ZC3H14: variants seen among roughly 807,000 people sequenced by gnomAD.
The protein encoded by ZC3H14 is zinc finger CCCH-type containing 14.
A neutral mutation model predicts 92.4 loss-of-function variants in ZC3H14; 31 were observed. The ratio of observed to expected loss-of-function variants is 0.34; its 90% CI spans 0.25 to 0.45. The LOEUF (loss-of-function observed/expected upper bound fraction) is 0.45. Ranked by LOEUF, ZC3H14 falls within the 20% of genes least tolerant of loss-of-function variation. The probability of loss-of-function intolerance (pLI) is 1.00; values close to 1 mark genes in which losing one functional copy is unlikely to be tolerated. For missense variants in ZC3H14, 781 were observed against 897.3 expected, an observed-to-expected ratio of 0.87 and a Z score of 1.66; for synonymous variants, 321 against 300.9, an observed-to-expected ratio of 1.07 and a Z score of -0.69.
intron 9 of ZC3H14, chr14:88,590,549 C>G (rs1242354141): frequency 6.6e-6 from 1 of 152,248 alleles, no homozygotes; most frequent in Non-Finnish European, 1.5e-5. Context: ...TTCTCTGGCC[C>G]CATCCCCACA....
chr14:88,611,294 T>G (rs924430301), intron 16 of ZC3H14, among the ~76,000 whole-genome samples: 27 of 152,146 alleles, frequency 1.8e-4, no homozygotes, highest in African/African-American at 6.3e-4. Flanking sequence ...TTTTTTATTT[T>G]AAGTAGAGAT....
At chr14:88,596,554 A>C (rs182585443) in intron 9 of ZC3H14, among the ~76,000 whole-genome samples, 180 bp from the exon 10 acceptor site, 1 of 152,312 alleles carries the variant, frequency 6.6e-6, no homozygotes, top group Non-Finnish European at 1.5e-5. Context: ...CCCTGAGTAC[A>C]GCCTTTTTTG....
chr14:88,574,594 A>G, intron 6 of ZC3H14, 99 bp from the exon 7 acceptor site: 1 of 1,411,190 alleles, frequency 7.1e-7, no homozygotes, highest in Non-Finnish European at 1.0e-6. Context: ...AATTTCTCAT[A>G]TTACTGTGTA....
In ZC3H14 at chr14:88,572,945, A is replaced by G. The variant is rs1354661836; in HGVS notation, c.799A>G (p.Asn267Asp). The change falls in exon 6 of 17, where the codon AAC becomes GAC. Residue 267 changes from asparagine to aspartate, a missense_variant. This residue lies in a region of ZC3H14 where 454 missense variants were observed against 438.5 expected (regional missense o/e 1.04). Transcript: ENST00000251038. ...TGRLCEPEVL[N>D]SLEETYSPFF... Reference sequence around the variant, plus strand: ...ACGTTTGTGTGAACCAGAGGTGCTTAACAGCTTAGAAGAAACGTATAGTCC... The same window carrying G: ...ACGTTTGTGTGAACCAGAGGTGCTTGACAGCTTAGAAGAAACGTATAGTCC... 2 of 1,614,184 alleles carry G rather than the reference A, an allele frequency of 1.2e-6. No individual in the cohort carries two copies. The highest frequency in any genetic ancestry group is 1.7e-6 in the Non-Finnish European group (2 of 1,180,038).
chr14:88,567,974 C>A (rs1417093589), intron 2 of ZC3H14, 65 bp from the exon 3 acceptor site: 3 of 1,281,178 alleles, frequency 2.3e-6, no homozygotes, highest in Non-Finnish European at 3.4e-6. Flanking sequence ...TATTTTCAAG[C>A]ACATCAACTT....
chr14:88,563,763 G>T, intron 2 of ZC3H14, 70 bp downstream of exon 2: 2 of 1,427,938 alleles, frequency 1.4e-6, no homozygotes, highest in African/African-American at 1.4e-5. Flanking sequence ...TAGTGAATGC[G>T]TATTTCTCAC....
intron 9 of ZC3H14, 64 bp from the exon 10 acceptor site, chr14:88,596,670 G>A: frequency 3.6e-6 from 5 of 1,400,296 alleles, no homozygotes; most frequent in Non-Finnish European, 5.1e-6. Context: ...ATTGATTTTT[G>A]GGAACCACAT....
At chr14:88,595,977 C>G (rs187294654) in intron 9 of ZC3H14, among the ~76,000 whole-genome samples, 1 of 152,260 alleles carries the variant, frequency 6.6e-6, no homozygotes, top group African/African-American at 2.4e-5. Context: ...GTGACATTCT[C>G]CCATCCTCAA....
intron 6 of ZC3H14, chr14:88,574,222 GATA>G (rs1275533463): frequency 6.4e-6 from 1 of 155,486 alleles, no homozygotes; most frequent in Non-Finnish European, 1.4e-5. Flanking sequence ...GACTGTTAGG[GATA>G]ATATTTATAT....
chr14:88,599,151 A>G (rs1415458064), intron 10 of ZC3H14, among the ~76,000 whole-genome samples: 1 of 152,144 alleles, frequency 6.6e-6, no homozygotes, highest in Non-Finnish European at 1.5e-5. Context: ...GGACACATCT[A>G]ATACACCTCT....
chr14:88,609,369 G>C lies in ZC3H14; in HGVS notation c.1971G>C (p.Val657=). The C allele has an allele frequency of 6.2e-7, 1 of 1,614,028 alleles. No homozygotes were observed. The change falls in exon 14 of 17, where the codon GTG becomes GTC. Residue 657 remains valine (V), a synonymous_variant. Transcript: ENST00000251038. ...AACCAGATTGTCCCTTCACTCATGT[G>C]AGTAGAAGAATTCCAGTACTGTCTC... ...CTKPDCPFTH[V]SRRIPVLSPK...
chr14:88,575,509 G>A (rs905756579), intron 7 of ZC3H14, among the ~76,000 whole-genome samples: 4 of 152,040 alleles, frequency 2.6e-5, no homozygotes, highest in Admixed American at 6.6e-5. Context: ...CCTGGGCGAT[G>A]TAATGAGTCT....
Position 88,616,514 on chromosome 14 carries a change from T to TA in ZC3H14, c.*4764dup, listed in dbSNP as rs1169596355. On this transcript the variant is annotated 3_prime_UTR_variant, in exon 17 of 17. Coordinates refer to ENST00000251038, the MANE Select transcript of ZC3H14 (RefSeq NM_024824.5). ...ATTATAGGTTTGGTGAAAAGCTAAT[T>TA]ACAGCTTTTGTAGGATGGTTCCAAA... 7 of 608,944 alleles carry TA rather than the reference T, an allele frequency of 1.1e-5. No homozygotes were observed. The highest frequency in any genetic ancestry group is 8.5e-6 in the Non-Finnish European group (3 of 354,592). 37.7% of individuals were successfully genotyped at this position (608,944 alleles called of 1,614,324 possible). A position where few individuals can be genotyped will look rare whatever the true frequency, so the allele number is the denominator to read the frequency against.
In ZC3H14 at chr14:88,601,787, C is replaced by T. The variant is rs1170429049; in HGVS notation, c.1355-137C>T. ...TGGAATAGAATTATAGCCCTGTTTT[C>T]CTGAGTGGAACCAGTTGTGATTTTC... is the stretch of plus-strand genomic sequence containing the variant. On this transcript the variant is annotated intron_variant, in intron 10 of 16. Transcript: ENST00000251038. 6 of 1,043,558 alleles carry T rather than the reference C, an allele frequency of 5.7e-6. No individual in the cohort carries two copies. In the East Asian group the frequency reaches 1.1e-4, roughly 19 times the overall value. 64.6% of individuals were successfully genotyped at this position (1,043,558 alleles called of 1,614,324 possible).
chr14:88,589,581 T>C (rs962996766), intron 9 of ZC3H14: 1 of 152,246 alleles, frequency 6.6e-6, no homozygotes, highest in African/African-American at 2.4e-5. Flanking sequence ...TTCAAACTTG[T>C]CCAAAGCTCA....
At chr14:88,565,288 T>C (rs1350701886) in intron 2 of ZC3H14, among the ~76,000 whole-genome samples, 1 of 151,914 alleles carries the variant, frequency 6.6e-6, no homozygotes, top group Non-Finnish European at 1.5e-5. Context: ...ATTACAGGCA[T>C]CTGCCACTAC....
intron 9 of ZC3H14, among the ~76,000 whole-genome samples, chr14:88,582,511 C>T (rs1389873177): frequency 6.6e-6 from 1 of 152,116 alleles, no homozygotes; most frequent in Non-Finnish European, 1.5e-5. Flanking sequence ...TTATAAAGAA[C>T]CTCTAGGCGT....
chr14:88,601,788 C>T, intron 10 of ZC3H14, 136 bp from the exon 11 acceptor site: 2 of 1,059,174 alleles, frequency 1.9e-6, no homozygotes, highest in Admixed American at 4.8e-5. Context: ...CCCTGTTTTC[C>T]TGAGTGGAAC....
intron 12 of ZC3H14, among the ~76,000 whole-genome samples, chr14:88,605,953 GTGTC>G (rs919356796): frequency 2.6e-5 from 4 of 152,210 alleles, no homozygotes; most frequent in African/African-American, 9.6e-5. Context: ...TTTGCACAGA[GTGTC>G]TGGCTGAGCA....
Sources: gnomAD v4.1 joint callset for allele counts (sites outside exome capture counted in the v4.1 genomes callset) on GRCh38, gnomAD v4.1.1 for gene constraint, gnomAD v4.1.1 regional missense constraint, MANE v1.5 for transcripts, NCBI Gene and HGNC (gene_info 2026-07-23, HGNC 2026-07-21) for gene names.